The following DUSP16 variants were observed in gnomAD, a reference collection of about 807,000 sequenced individuals.
DUSP16 encodes dual specificity protein phosphatase 16.
In DUSP16, 21 loss-of-function variants were observed where a neutral mutation model predicts 58.3. The observed-to-expected ratio is 0.36, with a 90% confidence interval of 0.26 to 0.52. DUSP16 has a LOEUF of 0.52. DUSP16 is among the 20% of genes least tolerant of loss of function. DUSP16 has a pLI of 0.94. For missense variants in DUSP16, 726 were observed against 819.0 expected, an observed-to-expected ratio of 0.89 and a Z score of 1.39; for synonymous variants, 320 against 323.8, an observed-to-expected ratio of 0.99 and a Z score of 0.12.
At chr12:12,490,319 A>G (rs912103455) in intron 4 of DUSP16, among the ~76,000 whole-genome samples, 8 of 152,180 alleles carry the variant, frequency 5.3e-5, no homozygotes, top group Non-Finnish European at 1.2e-4. Context: ...GATTAAATCT[A>G]CTATCCAGAT....
intron 3 of DUSP16, among the ~76,000 whole-genome samples, chr12:12,515,003 G>C (rs190362831): frequency 5.9e-5 from 9 of 152,228 alleles, no homozygotes; most frequent in Admixed American, 5.9e-4. Flanking sequence ...CTCCCAGGAA[G>C]TTGGTCTTCT....
intron 3 of DUSP16, among the ~76,000 whole-genome samples, chr12:12,517,584 G>A (rs1944172162): frequency 6.6e-6 from 1 of 152,134 alleles, no homozygotes; most frequent in African/African-American, 2.4e-5. Flanking sequence ...TACCTACCCT[G>A]ACGAAAAAAT....
rs936014058 is a variant in DUSP16 at position 12,521,446 on chromosome 12, T to C, written c.-348A>G. The C allele has an allele frequency of 1.4e-5, 16 of 1,137,052 alleles. No individual in the cohort carries two copies. Among genetic ancestry groups the C allele is most frequent in the Non-Finnish European group, 1.7e-5 (16 of 921,148 alleles). 70.4% of individuals were successfully genotyped at this position (1,137,052 alleles called of 1,614,324 possible). On this transcript the variant is annotated 5_prime_UTR_variant, in exon 2 of 7. Transcript: ENST00000298573. ...CCTTTGCTCCCGCGCTCCAACAGCT[T>C]TACACTGGACTGAAAGCCTACGCGG...
chr12:12,559,709 A>C (rs571205690), intron 1 of DUSP16, among the ~76,000 whole-genome samples: 4 of 152,222 alleles, frequency 2.6e-5, no homozygotes, highest in African/African-American at 9.7e-5. Context: ...CTTCATCAAT[A>C]TATTAATCCC....
chr12:12,554,614 A>G (rs1381390485), intron 1 of DUSP16: 1 of 152,186 alleles, frequency 6.6e-6, no homozygotes, highest in Non-Finnish European at 1.5e-5. Context: ...GTTTGTGCCC[A>G]TCCTGAAGTT....
At chr12:12,551,259 C>T (rs569648037) in intron 1 of DUSP16, among the ~76,000 whole-genome samples, 5 of 151,838 alleles carry the variant, frequency 3.3e-5, no homozygotes, top group African/African-American at 9.7e-5. Flanking sequence ...CCCAGCACCT[C>T]GGGAAGCCTA....
intron 6 of DUSP16, among the ~76,000 whole-genome samples, chr12:12,478,803 CAAAA>C (rs1339241840): frequency 6.6e-6 from 1 of 152,160 alleles, no homozygotes; most frequent in Non-Finnish European, 1.5e-5. Flanking sequence ...AATTTAATGA[CAAAA>C]AGAAGATGGT....
chr12:12,525,731 TACAC>T lies in DUSP16; in HGVS notation c.-365-4272_-365-4269del, dbSNP rs35552389. Among the ~76,000 whole-genome samples, 1,171 of 146,082 alleles carry T rather than the reference TACAC, an allele frequency of 8.0e-3. 11 individuals are homozygous for T. The highest frequency in any genetic ancestry group is 0.022 in the African/African-American group (875 of 39,412). ...CTACAAAAAATTAAAAATATATGTA[TACAC>T]ACACACACACACACACACACACACA... On this transcript the variant is annotated intron_variant, in intron 1 of 6. Coordinates refer to ENST00000298573, the MANE Select transcript of DUSP16 (RefSeq NM_030640.3).
At chr12:12,493,554 T>C (rs1257316247) in intron 4 of DUSP16, among the ~76,000 whole-genome samples, 1 of 152,228 alleles carries the variant, frequency 6.6e-6, no homozygotes, top group Non-Finnish European at 1.5e-5. Flanking sequence ...CCAAGTCCTA[T>C]GCAGAAATCT....
intron 1 of DUSP16, among the ~76,000 whole-genome samples, chr12:12,536,719 C>G (rs750001242): frequency 6.6e-6 from 1 of 151,006 alleles, no homozygotes. Flanking sequence ...GCAATCCAGC[C>G]TGGGCAACAA....
Position 12,487,138 on chromosome 12 carries a change from G to A in DUSP16, c.581C>T (p.Thr194Ile). 3.1e-6 allele frequency: 5 copies of A among 1,614,128 alleles called. No individual in the cohort carries two copies. The highest frequency in any genetic ancestry group is 4.2e-6 in the Non-Finnish European group (5 of 1,180,004). Residue 194 changes from threonine to isoleucine, a missense_variant, in exon 5 of 7, where the codon ACC becomes ATC. Coordinates refer to ENST00000298573, the MANE Select transcript of DUSP16 (RefSeq NM_030640.3). ...GIGYVLNASN[T>I]CPKPDFIPES... ...GGGGATAAAGTCAGGCTTTGGACAG[G>A]TATTGCTGGCATTTAACACATAACC...
chr12:12,486,516 G>A (rs952803985), intron 5 of DUSP16, among the ~76,000 whole-genome samples: 3 of 144,042 alleles, frequency 2.1e-5, no homozygotes, highest in South Asian at 2.2e-4. Context: ...GTGTGTGTGT[G>A]TGAAAATTCT....
At chr12:12,498,003 CTAA>C (rs1398211947) in intron 4 of DUSP16, among the ~76,000 whole-genome samples, 4 of 150,738 alleles carry the variant, frequency 2.7e-5, no homozygotes, top group Non-Finnish European at 4.4e-5. Context: ...AAACAAAACA[CTAA>C]TAATATTAGT....
chr12:12,476,818 C>T lies in DUSP16; in HGVS notation c.*15G>A, dbSNP rs1943447669. 13 of 1,560,472 alleles carry T rather than the reference C, an allele frequency of 8.3e-6. No homozygotes were observed. In the South Asian group the frequency reaches 1.2e-4, roughly 14 times the overall value. ...AAAAAAAAATTGTCTATAGAAGTCACAAGTGTCTTTCTTCTCAGGAGACCT... is the reference window on the plus strand; with the variant it reads ...AAAAAAAAATTGTCTATAGAAGTCATAAGTGTCTTTCTTCTCAGGAGACCT... On this transcript the variant is annotated 3_prime_UTR_variant, in exon 7 of 7. Coordinates refer to ENST00000298573, the MANE Select transcript of DUSP16 (RefSeq NM_030640.3).
intron 1 of DUSP16, among the ~76,000 whole-genome samples, chr12:12,544,396 A>G (rs998385596): frequency 1.6e-4 from 25 of 152,162 alleles, no homozygotes; most frequent in Admixed American, 1.4e-3. Flanking sequence ...GCTTGGAGTT[A>G]TTATGAATTG....
At chr12:12,503,224 CT>C (rs34349090) in intron 3 of DUSP16, among the ~76,000 whole-genome samples, 27,446 of 114,968 alleles carry the variant, frequency 0.24, 1,735 homozygotes, top group Non-Finnish European at 0.29. Context: ...CTGGTTATTG[CT>C]TTTTTTTTTT....
intron 1 of DUSP16, among the ~76,000 whole-genome samples, chr12:12,550,560 T>A (rs1417502378): frequency 7.9e-5 from 12 of 152,170 alleles, no homozygotes; most frequent in Non-Finnish European, 1.8e-4. Context: ...CTGCCTATCA[T>A]TTTTTAAAAA....
chr12:12,559,734 G>A (rs2136277190), intron 1 of DUSP16, among the ~76,000 whole-genome samples: 1 of 152,234 alleles, frequency 6.6e-6, no homozygotes, highest in African/African-American at 2.4e-5. Context: ...GCTAAACACT[G>A]TATGAAATTA....
Position 12,477,511 on chromosome 12 carries a change from G to T in DUSP16, c.1320C>A (p.Asn440Lys), listed in dbSNP as rs758578113. 6.3e-7 allele frequency: 1 copy of T among 1,599,868 alleles called. No homozygotes were observed. The change falls in exon 7 of 7, where the codon AAC becomes AAA. Residue 440 changes from asparagine (N) to lysine (K), a missense_variant. Asn to Lys is a moderately conservative substitution (Grantham distance 94). Transcript: ENST00000298573. The surrounding 1 kb of genome is among the most constrained non-coding windows in gnomAD (Gnocchi z 4.1). ...GAACAGGGGAGAACTGGCATAGCTT[G>T]TTGGTCCCATCCAGAGTAGTGGAAG... ...YKPSTTLDGT[N>K]KLCQFSPVQE...
Sources: allele counts gnomAD v4.1 joint callset (sites outside exome capture counted in the v4.1 genomes callset), GRCh38; gene constraint gnomAD v4.1.1; non-coding constraint Gnocchi (gnomAD v3.1); transcripts MANE v1.5; gene names NCBI Gene and HGNC (gene_info 2026-07-23, HGNC 2026-07-21).